The following TRPS1 variants were observed in gnomAD, a reference collection of about 807,000 sequenced individuals.
TRPS1 encodes transcriptional repressor GATA binding 1, also known as zinc finger transcription factor Trps1.
Under a neutral mutation model 101.2 loss-of-function variants are expected in TRPS1, and 6 were observed. The ratio of observed to expected loss-of-function variants is 0.06; its 90% CI spans 0.03 to 0.12. The LOEUF is 0.12. TRPS1 is among the 10% of genes least tolerant of loss of function. TRPS1 has a pLI of 1.00. For missense variants in TRPS1, 1,363 were observed against 1,567.0 expected (o/e 0.87, Z 2.20); for synonymous variants, 578 against 589.8 (o/e 0.98, Z 0.29).
At position 115,604,049 on chromosome 8, in the gene TRPS1, A is replaced by G. The variant is rs749808514; in HGVS notation, c.1920T>C (p.Asp640=). The change falls in exon 4 of 7, where the codon GAT becomes GAC. Residue 640 remains aspartate (D), a synonymous_variant. Coordinates refer to ENST00000395715, the MANE Select transcript of TRPS1 (RefSeq NM_014112.5). This position sits in a 1 kb window ranked among gnomAD's most constrained non-coding sequence, Gnocchi z 4.1. ...CACTTTCATAGTGAAAGAGGAGTAC[A>G]TCTACGTCAGGGGTGGTGAATGAAC... The part of the protein sequence containing the change: ...HQCSFTTPDV[D]VLLFHYESVH... 5.6e-6 allele frequency: 9 copies of G among 1,613,936 alleles called. No homozygotes were observed. The highest frequency in any genetic ancestry group is 2.2e-5 in the East Asian group (1 of 44,872).
intron 1 of TRPS1, among the ~76,000 whole-genome samples, chr8:115,632,088 A>C (rs964356441): frequency 1.3e-5 from 2 of 152,132 alleles, no homozygotes; most frequent in African/African-American, 2.4e-5. Flanking sequence ...CATTCTCTAT[A>C]TAGTGATAAT....
intron 3 of TRPS1, among the ~76,000 whole-genome samples, chr8:115,616,291 T>C (rs984743174): frequency 6.6e-6 from 1 of 152,242 alleles, no homozygotes; most frequent in Non-Finnish European, 1.5e-5. Context: ...CAAAAGTGGA[T>C]ATTATCAGCA....
intron 5 of TRPS1, among the ~76,000 whole-genome samples, chr8:115,537,818 T>C (rs1447525290): frequency 2.0e-5 from 3 of 152,212 alleles, no homozygotes. Flanking sequence ...ACTTAAAAAC[T>C]GGACAATTAT....
chr8:115,484,573 T>A (rs1814832369), intron 5 of TRPS1, among the ~76,000 whole-genome samples: 1 of 152,184 alleles, frequency 6.6e-6, no homozygotes, highest in Admixed American at 6.5e-5. Flanking sequence ...GGGTTTGTTA[T>A]CTGTTTAGCA....
intron 5 of TRPS1, among the ~76,000 whole-genome samples, chr8:115,536,481 C>G (rs1816323924): frequency 6.8e-6 from 1 of 147,024 alleles, no homozygotes; most frequent in Non-Finnish European, 1.5e-5. Context: ...GGAGATTGCG[C>G]CACTGCACTG....
Position 115,409,799 on chromosome 8 carries a change from G to C in TRPS1, c.*4224C>G, listed in dbSNP as rs545207968. 1 of 152,372 alleles carries C rather than the reference G, an allele frequency of 6.6e-6. No homozygotes were observed. Among genetic ancestry groups the C allele is most frequent in the African/African-American group, 2.4e-5 (1 of 41,494 alleles). The allele number at this position is 152,372 out of a possible 1,614,324, so 9.4% of individuals were successfully genotyped here. A position where few individuals can be genotyped will look rare whatever the true frequency, so the allele number is the denominator to read the frequency against. On this transcript the variant is annotated 3_prime_UTR_variant, in exon 7 of 7. Coordinates refer to ENST00000395715, the MANE Select transcript of TRPS1 (RefSeq NM_014112.5). ...ATTCCACCTAACAGTACCTACCTTT[G>C]ATTAGAATATTTAGTTTGATACTCA...
At chr8:115,621,025 T>C (rs1010252204) in intron 2 of TRPS1, among the ~76,000 whole-genome samples, 8 of 152,356 alleles carry the variant, frequency 5.3e-5, no homozygotes, top group Admixed American at 4.6e-4. Flanking sequence ...AGCTCAACCA[T>C]GTCTCTCAAG....
intron 4 of TRPS1, among the ~76,000 whole-genome samples, chr8:115,599,675 T>C (rs2737206): frequency 0.68 from 103,129 of 152,058 alleles, 36,042 homozygotes; most frequent in African/African-American, 0.84. Context: ...CACCAACTCG[T>C]TTTTTTATGG....
At chr8:115,641,413 A>C (rs888565325) in intron 1 of TRPS1, among the ~76,000 whole-genome samples, 3 of 152,228 alleles carry the variant, frequency 2.0e-5, no homozygotes, top group African/African-American at 7.2e-5. Context: ...ATGACTGCCC[A>C]AAAAGGGGCA....
chr8:115,643,980 T>G (rs2721959), intron 1 of TRPS1, among the ~76,000 whole-genome samples: 76,624 of 152,090 alleles, frequency 0.5, 22,825 homozygotes, highest in African/African-American at 0.83. Context: ...CAGTGAGCAG[T>G]AATACTTTTA....
In TRPS1 at chr8:115,604,430, C is replaced by T; in HGVS notation, c.1539G>A (p.Lys513=). The change falls in exon 4 of 7, where the codon AAG becomes AAA. Residue 513 remains lysine (K), a synonymous_variant. Transcript: ENST00000395715. The surrounding 1 kb of genome is among the most constrained non-coding windows in gnomAD (Gnocchi z 4.1). The part of the protein sequence containing the change: ...SEGETMTKTD[K]SSSGAKKKDF... The stretch of plus-strand genomic sequence containing the variant: ...CCTTCTTTTTAGCCCCACTCGAGCT[C>T]TTGTCTGTCTTGGTCATTGTCTCTC... 6.2e-7 allele frequency: 1 copy of T among 1,614,090 alleles called. No individual in the cohort carries two copies. Among genetic ancestry groups the T allele is most frequent in the Non-Finnish European group, 8.5e-7 (1 of 1,179,990 alleles).
At chr8:115,544,263 C>T (rs1816520944) in intron 5 of TRPS1, among the ~76,000 whole-genome samples, 1 of 150,888 alleles carries the variant, frequency 6.6e-6, no homozygotes, top group Non-Finnish European at 1.5e-5. Flanking sequence ...CCTCATTTGC[C>T]TTATCAGGGA....
At chr8:115,420,206 T>C (rs1813019164) in intron 5 of TRPS1, among the ~76,000 whole-genome samples, 1 of 152,172 alleles carries the variant, frequency 6.6e-6, no homozygotes, top group African/African-American at 2.4e-5. Context: ...TAAGTCTCAA[T>C]AACATTGCAA....
Position 115,604,743 on chromosome 8 carries a change from T to C in TRPS1, c.1226A>G (p.Lys409Arg). The change falls in exon 4 of 7, where the codon AAA becomes AGA. Residue 409 changes from lysine (K) to arginine (R), a missense_variant. By Grantham distance (26) the Lys-to-Arg change is conservative. Coordinates refer to ENST00000395715, the MANE Select transcript of TRPS1 (RefSeq NM_014112.5). The surrounding 1 kb of genome is among the most constrained non-coding windows in gnomAD (Gnocchi z 4.1). ...LQSSDSGDLG[K>R]WQDKITVKAG... ...TTTGACTGTTATCTTGTCCTGCCATTTTCCCAAGTCTCCAGAATCACTGGA... is the reference window on the plus strand; with the variant it reads ...TTTGACTGTTATCTTGTCCTGCCATCTTCCCAAGTCTCCAGAATCACTGGA... The C allele has an allele frequency of 1.2e-6, 2 of 1,613,838 alleles. No individual in the cohort carries two copies. Among genetic ancestry groups the C allele is most frequent in the South Asian group, 1.1e-5 (1 of 91,074 alleles).
chr8:115,543,343 C>A (rs1234098335), intron 5 of TRPS1, among the ~76,000 whole-genome samples: 1 of 152,120 alleles, frequency 6.6e-6, no homozygotes, highest in Non-Finnish European at 1.5e-5. Context: ...ACACATCCAC[C>A]TCTAATATGG....
chr8:115,461,151 A>G (rs1451234278), intron 5 of TRPS1, among the ~76,000 whole-genome samples: 1 of 152,138 alleles, frequency 6.6e-6, no homozygotes, highest in African/African-American at 2.4e-5. Context: ...TCATCATACA[A>G]ATGTTATTTA....
At chr8:115,440,134 A>G (rs960306479) in intron 5 of TRPS1, among the ~76,000 whole-genome samples, 2 of 152,234 alleles carry the variant, frequency 1.3e-5, no homozygotes, top group Non-Finnish European at 2.9e-5. Context: ...ATGAAAATTC[A>G]TTTTTTAAAA....
chr8:115,667,888 G>C (rs1487671974), intron 1 of TRPS1: 78 of 1,535,586 alleles, frequency 5.1e-5, no homozygotes, highest in Non-Finnish European at 6.5e-5. Flanking sequence ...CTGCATGCTG[G>C]TGCCTAGTCT....
At chr8:115,449,332 T>C (rs1180112871) in intron 5 of TRPS1, among the ~76,000 whole-genome samples, 1 of 152,214 alleles carries the variant, frequency 6.6e-6, no homozygotes, top group Admixed American at 6.5e-5. Flanking sequence ...GCTTTTGCTG[T>C]GCAAAACCTA....
Sources: gnomAD v4.1 joint callset for allele counts (sites outside exome capture counted in the v4.1 genomes callset) on GRCh38, gnomAD v4.1.1 for gene constraint, Gnocchi (gnomAD v3.1) non-coding constraint, MANE v1.5 for transcripts, NCBI Gene and HGNC (gene_info 2026-07-23, HGNC 2026-07-21) for gene names.